Variants in ACER2 observed in about 807,000 individuals in gnomAD.
ACER2 encodes the protein alkCDase 2.
A neutral mutation model predicts 34.7 loss-of-function variants in ACER2; 26 were observed. The observed-to-expected ratio is 0.75, with a 90% confidence interval of 0.55 to 1.04. The LOEUF (loss-of-function observed/expected upper bound fraction) is 1.04, where lower values mean the gene tolerates loss of function less well. ACER2 is among the 50% of genes least tolerant of loss of function. The pLI is 0.00. For missense variants in ACER2, 352 were observed against 340.8 expected (o/e 1.03, Z -0.26); for synonymous variants, 138 against 132.1 (o/e 1.04, Z -0.31).
chr9:19,416,082 C>G (rs907202192), intron 1 of ACER2, among the ~76,000 whole-genome samples: 18 of 145,150 alleles, frequency 1.2e-4, no homozygotes, highest in Admixed American at 4.9e-4. Context: ...TTTACAAGAA[C>G]ACATTCATGT....
rs559339264 is a variant in ACER2 at position 19,428,146 on chromosome 9, G to T, written c.365+3305G>T. Among the ~76,000 whole-genome samples, 19 of 137,104 alleles carry T rather than the reference G, an allele frequency of 1.4e-4. No homozygotes were observed. The South Asian group carries it at 4.3e-3, about 31-fold the overall frequency. The allele number at this position is 137,104 out of a possible 152,430, so 89.9% of individuals were successfully genotyped here. On this transcript the variant is annotated intron_variant, in intron 3 of 5. Coordinates refer to ENST00000340967, the MANE Select transcript of ACER2 (RefSeq NM_001010887.3). Reference sequence around the variant, plus strand: ...TTTTTTCTTGATCTAGACTTTGCTGGAATATTCTTTTTTGTTTCATTTTGT... The same window carrying T: ...TTTTTTCTTGATCTAGACTTTGCTGTAATATTCTTTTTTGTTTCATTTTGT...
chr9:19,428,595 A>G (rs1401359627), intron 3 of ACER2, among the ~76,000 whole-genome samples: 3 of 142,844 alleles, frequency 2.1e-5, no homozygotes, highest in Non-Finnish European at 4.5e-5. Flanking sequence ...CAATTAACCT[A>G]AAAAAAAAAG....
chr9:19,412,656 C>CAAAAA, intron 1 of ACER2, among the ~76,000 whole-genome samples: 1 of 91,846 alleles, frequency 1.1e-5, no homozygotes, highest in South Asian at 3.5e-4. Context: ...GATTCTGTCT[C>CAAAAA]AAAAAAAAAA....
rs138477896 is a variant in ACER2 at position 19,432,080 on chromosome 9, C to T, written c.366-2867C>T. ...TGGGTCCCAGGGAGAGAAGAAAGAG[C>T]GTGTCTAGGATCACGTCGCCACTTC... is the stretch of plus-strand genomic sequence containing the variant. On this transcript the variant is annotated intron_variant, in intron 3 of 5. Coordinates refer to ENST00000340967, the MANE Select transcript of ACER2 (RefSeq NM_001010887.3). Among the ~76,000 whole-genome samples the T allele has an allele frequency of 3.4e-3, 511 of 152,246 alleles. 2 individuals carry two copies. Among genetic ancestry groups the T allele is most frequent in the African/African-American group, 0.012 (484 of 41,548 alleles).
chr9:19,434,557 G>A (rs1424066543), intron 3 of ACER2, among the ~76,000 whole-genome samples: 1 of 152,244 alleles, frequency 6.6e-6, no homozygotes, highest in Non-Finnish European at 1.5e-5. Flanking sequence ...GATCACTCGC[G>A]GTTAGGAGCT....
chr9:19,431,593 C>T (rs915169881), intron 3 of ACER2, among the ~76,000 whole-genome samples: 1 of 152,222 alleles, frequency 6.6e-6, no homozygotes, highest in African/African-American at 2.4e-5. Flanking sequence ...TGGCTGTGGG[C>T]CCTCACCCTG....
intron 1 of ACER2, among the ~76,000 whole-genome samples, chr9:19,413,615 A>G (rs975161503): frequency 6.6e-6 from 1 of 152,120 alleles, no homozygotes; most frequent in Admixed American, 6.6e-5. Context: ...AAAAAAAAAA[A>G]AAAAGAAAAT....
intron 1 of ACER2, among the ~76,000 whole-genome samples, chr9:19,419,824 A>G (rs569864022): frequency 3.9e-5 from 6 of 152,328 alleles, no homozygotes; most frequent in Non-Finnish European, 5.9e-5. Context: ...CCCTTTCTCC[A>G]TAATGATACA....
chr9:19,429,881 G>A (rs1009586627), intron 3 of ACER2, among the ~76,000 whole-genome samples: 7 of 152,140 alleles, frequency 4.6e-5, no homozygotes, highest in Admixed American at 6.5e-5. Context: ...CTATATTGCT[G>A]TAACTATCAA....
In ACER2 at chr9:19,450,934, G is replaced by T; in HGVS notation, c.*298G>T. ...GTCACATCTGTTAATCTTTTCTTTA[G>T]GATTTCTGGATTTTGTGTAATTTTT... is the stretch of plus-strand genomic sequence containing the variant. On this transcript the variant is annotated 3_prime_UTR_variant, in exon 6 of 6. Coordinates refer to ENST00000340967, the MANE Select transcript of ACER2 (RefSeq NM_001010887.3). 1 of 212,844 alleles carries T rather than the reference G, an allele frequency of 4.7e-6. No homozygotes were observed. The highest frequency in any genetic ancestry group is 5.5e-5 in the Admixed American group (1 of 18,102). The allele number at this position is 212,844 out of a possible 1,614,324, so 13.2% of individuals were successfully genotyped here. A position where few individuals can be genotyped will look rare whatever the true frequency, so the allele number is the denominator to read the frequency against.
intron 4 of ACER2, among the ~76,000 whole-genome samples, chr9:19,437,876 G>A (rs888226866): frequency 7.2e-5 from 11 of 152,100 alleles, no homozygotes; most frequent in Admixed American, 3.3e-4. Context: ...TGTACTTAGC[G>A]CATTCTCTCT....
intron 1 of ACER2, among the ~76,000 whole-genome samples, chr9:19,413,023 G>A (rs1209658567): frequency 6.6e-6 from 1 of 152,200 alleles, no homozygotes; most frequent in East Asian, 1.9e-4. Context: ...CTGTGTCAAG[G>A]AGGATATTCA....
chr9:19,424,492 G>T, intron 2 of ACER2: 1 of 985,394 alleles, frequency 1.0e-6, no homozygotes, highest in Non-Finnish European at 1.2e-6. Context: ...CTGATGTGCT[G>T]ATATTTGGGC....
intron 4 of ACER2, among the ~76,000 whole-genome samples, chr9:19,440,734 T>C (rs1831127625): frequency 6.6e-6 from 1 of 152,218 alleles, no homozygotes; most frequent in Admixed American, 6.5e-5. Flanking sequence ...TCTCCTCTAC[T>C]TCTGTGGCTT....
At chr9:19,422,010 G>A (rs978844597) in intron 1 of ACER2, among the ~76,000 whole-genome samples, 1 of 151,942 alleles carries the variant, frequency 6.6e-6, no homozygotes, top group Non-Finnish European at 1.5e-5. Flanking sequence ...TAGGCTGGAC[G>A]CGGTGACTCA....
intron 4 of ACER2, among the ~76,000 whole-genome samples, chr9:19,436,873 A>G (rs1830993683): frequency 6.6e-6 from 1 of 152,152 alleles, no homozygotes; most frequent in African/African-American, 2.4e-5. Flanking sequence ...TCTACTTCCA[A>G]ATAGAATAGC....
chr9:19,441,963 C>A (rs994710479), intron 4 of ACER2, among the ~76,000 whole-genome samples: 9 of 152,198 alleles, frequency 5.9e-5, no homozygotes, highest in Non-Finnish European at 1.0e-4. Flanking sequence ...AGAGGAGGAA[C>A]TGTTTTCTCA....
chr9:19,433,789 C>G (rs1311109076), intron 3 of ACER2, among the ~76,000 whole-genome samples: 1 of 151,362 alleles, frequency 6.6e-6, no homozygotes, highest in Non-Finnish European at 1.5e-5. Flanking sequence ...GGGGGCTGAC[C>G]CCCCCACCTC....
At chr9:19,434,358 T>G (rs2132504106) in intron 3 of ACER2, among the ~76,000 whole-genome samples, 1 of 152,064 alleles carries the variant, frequency 6.6e-6, no homozygotes, top group Admixed American at 6.5e-5. Flanking sequence ...GCTCCTCACT[T>G]CCCAGACGGG....
Sources: gnomAD v4.1 joint callset for allele counts (sites outside exome capture counted in the v4.1 genomes callset) on GRCh38, gnomAD v4.1.1 for gene constraint, MANE v1.5 for transcripts, NCBI Gene and HGNC (gene_info 2026-07-23, HGNC 2026-07-21) for gene names.